Variants in NCEH1 observed in about 807,000 individuals in gnomAD.
NCEH1 encodes the protein neutral cholesterol ester hydrolase 1.
NCEH1 carries 9 observed loss-of-function variants against 25.4 expected under a neutral mutation model. The observed-to-expected ratio is 0.35, with a 90% CI of 0.21 to 0.62. The LOEUF is 0.62. Among genes scored for constraint, NCEH1 ranks in the 20% least tolerant of loss-of-function variants. The pLI is 0.72. For missense variants in NCEH1, 412 were observed against 501.1 expected (o/e 0.82, Z 1.70); for synonymous variants, 200 against 199.8 (o/e 1.00, Z -0.01).
intron 3 of NCEH1, 88 bp from the exon 4 acceptor site, chr3:172,636,175 C>T: frequency 1.3e-6 from 1 of 748,238 alleles, no homozygotes; most frequent in South Asian, 2.5e-5. Context: ...TCTTTTAAAT[C>T]TGGAAATAGA....
intron 3 of NCEH1, 83 bp downstream of exon 3, chr3:172,645,540 T>C: frequency 1.2e-6 from 1 of 820,078 alleles, no homozygotes; most frequent in South Asian, 1.8e-5. Flanking sequence ...TTTTACTTTA[T>C]CACTTGTAAA....
Position 172,647,915 on chromosome 3 carries a change from T to G in NCEH1, c.338A>C (p.His113Pro). 1.9e-6 allele frequency: 3 copies of G among 1,614,154 alleles called. No homozygotes were observed. The highest frequency in any genetic ancestry group is 2.5e-6 in the Non-Finnish European group (3 of 1,180,026). The change falls in exon 2 of 5, where the codon CAC becomes CCC. Residue 113 changes from histidine to proline, a missense_variant. Around this residue, in one of 3 missense-constraint regions of NCEH1, gnomAD observed 178 missense variants for 189.2 expected, o/e 0.94. Transcript: ENST00000475381. ...EPLKRSVVYIHGGGWALASAK... is the reference protein window; with the variant it reads ...EPLKRSVVYIPGGGWALASAK... Reference sequence around the variant, plus strand: ...ACTTGCCAAGGCCCAGCCTCCTCCGTGGATATAAACGACGCTGCGTTTCAG... The same window carrying G: ...ACTTGCCAAGGCCCAGCCTCCTCCGGGGATATAAACGACGCTGCGTTTCAG...
At chr3:172,682,013 C>T (rs903061128) in intron 1 of NCEH1, among the ~76,000 whole-genome samples, 1 of 152,174 alleles carries the variant, frequency 6.6e-6, no homozygotes, top group Non-Finnish European at 1.5e-5. Flanking sequence ...ATTCCTTTAG[C>T]CCTGAAATTT....
chr3:172,668,020 A>T (rs974361713), intron 1 of NCEH1, among the ~76,000 whole-genome samples: 1 of 152,182 alleles, frequency 6.6e-6, no homozygotes, highest in African/African-American at 2.4e-5. Context: ...AGGCAAATAA[A>T]AGATGACTTA....
At chr3:172,687,863 G>T (rs546854107) in intron 1 of NCEH1, among the ~76,000 whole-genome samples, 88 of 152,210 alleles carry the variant, frequency 5.8e-4, no homozygotes, top group Non-Finnish European at 1.1e-3. Flanking sequence ...CTGGCTGTTT[G>T]AAAGTTTGAT....
intron 1 of NCEH1, among the ~76,000 whole-genome samples, chr3:172,664,799 C>T (rs1290308883): frequency 2.0e-5 from 3 of 152,176 alleles, no homozygotes; most frequent in African/African-American, 7.2e-5. Context: ...CCATGGTTTT[C>T]AGCTCCATCA....
At chr3:172,644,622 G>A (rs1318537061) in intron 3 of NCEH1, among the ~76,000 whole-genome samples, 2 of 151,972 alleles carry the variant, frequency 1.3e-5, no homozygotes, top group Admixed American at 6.6e-5. Flanking sequence ...TAGCTTCTTG[G>A]GTCTCAATTT....
chr3:172,675,684 A>G (rs1158767964), intron 1 of NCEH1, among the ~76,000 whole-genome samples: 1 of 152,236 alleles, frequency 6.6e-6, no homozygotes, highest in African/African-American at 2.4e-5. Flanking sequence ...GCCTAAGCCT[A>G]AAGTTATTCT....
intron 1 of NCEH1, among the ~76,000 whole-genome samples, chr3:172,708,363 A>G (rs1455989215): frequency 6.6e-6 from 1 of 152,058 alleles, no homozygotes; most frequent in African/African-American, 2.4e-5. Flanking sequence ...ATTTATTTAT[A>G]TATTTTTTTG....
chr3:172,687,805 C>T (rs982131510), intron 1 of NCEH1, among the ~76,000 whole-genome samples: 10 of 152,132 alleles, frequency 6.6e-5, no homozygotes, highest in African/African-American at 1.7e-4. Flanking sequence ...GTTTAATATG[C>T]AATGTGGGCC....
At chr3:172,706,519 G>C (rs970153459) in intron 1 of NCEH1, among the ~76,000 whole-genome samples, 2 of 37,472 alleles carry the variant, frequency 5.3e-5, no homozygotes, top group African/African-American at 2.1e-4. Flanking sequence ...TTTTTTTTTT[G>C]AGACGAAGTC....
chr3:172,663,170 T>C (rs1333310274), intron 1 of NCEH1, among the ~76,000 whole-genome samples: 3 of 152,248 alleles, frequency 2.0e-5, no homozygotes, highest in African/African-American at 7.2e-5. Flanking sequence ...GTCTTTGTTC[T>C]CGTTGGTTTC....
chr3:172,696,369 G>GA (rs1002823873), intron 1 of NCEH1, among the ~76,000 whole-genome samples: 45 of 148,930 alleles, frequency 3.0e-4, no homozygotes, highest in African/African-American at 9.4e-4. Flanking sequence ...GACGATAAAA[G>GA]AAAAAAAAAA....
At chr3:172,643,486 T>G (rs1017599593) in intron 3 of NCEH1, among the ~76,000 whole-genome samples, 1 of 152,230 alleles carries the variant, frequency 6.6e-6, no homozygotes, top group African/African-American at 2.4e-5. Flanking sequence ...CATATGCTCA[T>G]GCCTCCCATC....
At chr3:172,687,826 T>C (rs903270575) in intron 1 of NCEH1, among the ~76,000 whole-genome samples, 1 of 152,092 alleles carries the variant, frequency 6.6e-6, no homozygotes, top group African/African-American at 2.4e-5. Context: ...AAAAATAACA[T>C]GTGCAGGTCA....
chr3:172,671,274 G>GA (rs1237572017), intron 1 of NCEH1, among the ~76,000 whole-genome samples: 1 of 152,186 alleles, frequency 6.6e-6, no homozygotes, highest in East Asian at 1.9e-4. Flanking sequence ...ATTTTATGGA[G>GA]ATGGAAAGAT....
intron 1 of NCEH1, among the ~76,000 whole-genome samples, chr3:172,693,291 A>G (rs1325314473): frequency 6.6e-6 from 1 of 152,348 alleles, no homozygotes; most frequent in Non-Finnish European, 1.5e-5. Context: ...ATATAAGACT[A>G]TATGTTTAAG....
intron 1 of NCEH1, among the ~76,000 whole-genome samples, chr3:172,682,319 A>T (rs1296149044): frequency 6.6e-6 from 1 of 152,176 alleles, no homozygotes; most frequent in Admixed American, 6.5e-5. Context: ...TCTACTGTTT[A>T]CTGTAAATCC....
chr3:172,652,575 A>G (rs953239670), intron 1 of NCEH1, among the ~76,000 whole-genome samples: 18 of 152,252 alleles, frequency 1.2e-4, no homozygotes, highest in African/African-American at 4.1e-4. Context: ...CTCACTGGGA[A>G]TAAGTTTCCT....
Sources: allele counts gnomAD v4.1 joint callset (sites outside exome capture counted in the v4.1 genomes callset), GRCh38; gene constraint gnomAD v4.1.1; regional missense constraint gnomAD v4.1.1; transcripts MANE v1.5; gene names NCBI Gene and HGNC (gene_info 2026-07-23, HGNC 2026-07-21).